Variants in DAB1 observed in about 807,000 individuals in gnomAD.
DAB1 encodes DAB adaptor protein 1.
Under a neutral mutation model 64.6 loss-of-function variants are expected in DAB1, and 15 were observed. The ratio of observed to expected loss-of-function variants is 0.23; its 90% CI spans 0.16 to 0.36. The LOEUF (loss-of-function observed/expected upper bound fraction) is 0.36, where lower values mean the gene tolerates loss of function less well. DAB1 is among the 10% of genes least tolerant of loss of function. The probability of loss-of-function intolerance (pLI) is 1.00; values close to 1 mark genes in which losing one functional copy is unlikely to be tolerated. For synonymous variants in DAB1, 235 were observed against 251.9 expected (o/e 0.93, Z 0.64); for missense variants, 596 against 706.7 (o/e 0.84, Z 1.78).
chr1:57,598,668 CA>C (rs1343774314), intron 7 of DAB1, among the ~76,000 whole-genome samples: 1 of 152,094 alleles, frequency 6.6e-6, no homozygotes, highest in Non-Finnish European at 1.5e-5. Flanking sequence ...TGGGCAGTGA[CA>C]GGGGCAGCTC....
chr1:57,072,860 A>G (rs1375261723), intron 4 of DAB1, among the ~76,000 whole-genome samples: 2 of 152,210 alleles, frequency 1.3e-5, no homozygotes, highest in African/African-American at 2.4e-5. Context: ...AGAACTATAC[A>G]TGTGCATGGT....
At chr1:57,430,115 G>A (rs1685443547) in intron 7 of DAB1, among the ~76,000 whole-genome samples, 1 of 152,156 alleles carries the variant, frequency 6.6e-6, no homozygotes, top group Non-Finnish European at 1.5e-5. Flanking sequence ...TCTACTCCAT[G>A]AGCATGGGAT....
At chr1:57,295,800 C>A (rs114561339) in intron 1 of DAB1, among the ~76,000 whole-genome samples, 3,471 of 152,134 alleles carry the variant, frequency 0.023, 62 homozygotes, top group South Asian at 0.045. Flanking sequence ...ATAATTTCCA[C>A]ATTTGGAAGC....
At chr1:58,509,276 ACACT>A (rs1646036167) in intron 2 of DAB1, among the ~76,000 whole-genome samples, 1 of 152,148 alleles carries the variant, frequency 6.6e-6, no homozygotes, top group African/African-American at 2.4e-5. Context: ...CATCATAAAG[ACACT>A]CAAAGAGGTC....
At chr1:57,276,283 G>A (rs183672325) in intron 2 of DAB1, among the ~76,000 whole-genome samples, 33 of 152,302 alleles carry the variant, frequency 2.2e-4, no homozygotes, top group Admixed American at 2.2e-3. Context: ...CATTAAAATC[G>A]ACCAGGATTG....
chr1:58,198,754 G>A (rs1241979642), intron 4 of DAB1, among the ~76,000 whole-genome samples: 1 of 152,192 alleles, frequency 6.6e-6, no homozygotes, highest in Non-Finnish European at 1.5e-5. Flanking sequence ...CAGAACTTTT[G>A]TTTGTACTGT....
At chr1:57,389,507 C>T (rs75316096) in intron 1 of DAB1, among the ~76,000 whole-genome samples, 3,058 of 152,208 alleles carry the variant, frequency 0.02, 105 homozygotes, top group African/African-American at 0.069. Flanking sequence ...GTTCCTGTGG[C>T]CCTGCCTCAA....
intron 6 of DAB1, among the ~76,000 whole-genome samples, chr1:57,711,655 GC>G (rs1647031419): frequency 6.6e-6 from 1 of 152,298 alleles, no homozygotes; most frequent in East Asian, 1.9e-4. Flanking sequence ...ATTGGGATAA[GC>G]AGGAAAGAGT....
At chr1:57,172,971 TC>T (rs1296439213) in intron 2 of DAB1, among the ~76,000 whole-genome samples, 9 of 152,174 alleles carry the variant, frequency 5.9e-5, no homozygotes, top group African/African-American at 2.4e-5. Flanking sequence ...ACCTGAACTA[TC>T]AAGGCCATAG....
intron 1 of DAB1, among the ~76,000 whole-genome samples, chr1:57,353,796 G>T (rs571813162): frequency 6.6e-6 from 1 of 152,278 alleles, no homozygotes; most frequent in Admixed American, 6.5e-5. Context: ...GCCTGGGATG[G>T]ATGAGTGTCC....
intron 4 of DAB1, among the ~76,000 whole-genome samples, chr1:58,159,726 G>T (rs1655421343): frequency 2.0e-5 from 3 of 152,170 alleles, no homozygotes; most frequent in Admixed American, 2.0e-4. Flanking sequence ...TGTAAAGGTT[G>T]ATTATTAGAA....
In DAB1 at chr1:58,408,748, C is replaced by T. The variant is rs1322780984; in HGVS notation, n.258-65345G>A. On this transcript the variant is annotated intron_variant and non_coding_transcript_variant, in intron 3 of 20. Coordinates refer to the DAB1 transcript ENST00000485760. Reference sequence around the variant, plus strand: ...AGAAGGAGGAAAAGGTTTTCTGAGACGTGTTCTTGTTGACATTACAAAACA... The same window carrying T: ...AGAAGGAGGAAAAGGTTTTCTGAGATGTGTTCTTGTTGACATTACAAAACA... 4.6e-5 allele frequency among the ~76,000 whole-genome samples: 7 copies of T among 152,206 alleles called. No homozygotes were observed. In the East Asian group the frequency reaches 7.7e-4, roughly 17 times the overall value.
chr1:58,226,587 T>C (rs1179507480), intron 4 of DAB1, among the ~76,000 whole-genome samples: 4 of 152,142 alleles, frequency 2.6e-5, no homozygotes, highest in Middle Eastern at 3.2e-3. Context: ...TGGAATGAAA[T>C]GGTACTGTTA....
chr1:58,194,893 A>G (rs1177022161), intron 4 of DAB1, among the ~76,000 whole-genome samples: 2 of 152,240 alleles, frequency 1.3e-5, no homozygotes, highest in Non-Finnish European at 2.9e-5. Flanking sequence ...AGCCTGGAAT[A>G]CTGTTCAACC....
At chr1:58,372,777 C>A (rs1335852484) in intron 3 of DAB1, among the ~76,000 whole-genome samples, 2 of 152,128 alleles carry the variant, frequency 1.3e-5, no homozygotes, top group Non-Finnish European at 1.5e-5. Context: ...AAGTGTTTGG[C>A]AGTTTCCCTT....
rs530842957 is a variant in DAB1, at chr1:57,623,781, G to A, written n.625+25811C>T. On this transcript the variant is annotated intron_variant and non_coding_transcript_variant, in intron 7 of 20. Coordinates refer to the DAB1 transcript ENST00000485760. Reference sequence around the variant, plus strand: ...AAGCCCCCTGCATTCTCCAGTTCCAGCTTGGTCCTGAGATGATTGTCTTCT... The same window carrying A: ...AAGCCCCCTGCATTCTCCAGTTCCAACTTGGTCCTGAGATGATTGTCTTCT... 8.5e-5 allele frequency among the ~76,000 whole-genome samples: 13 copies of A among 152,272 alleles called. 1 individual carries two copies. Among genetic ancestry groups the A allele is most frequent in the African/African-American group, 3.1e-4 (13 of 41,566 alleles).
At chr1:57,583,044 AAG>A (rs1210063785) in intron 7 of DAB1, among the ~76,000 whole-genome samples, 1 of 152,166 alleles carries the variant, frequency 6.6e-6, no homozygotes, top group Non-Finnish European at 1.5e-5. Flanking sequence ...AGGAAAAACA[AAG>A]AGAATTGGAG....
chr1:58,353,597 A>G (rs1339645963), intron 3 of DAB1, among the ~76,000 whole-genome samples: 2 of 152,192 alleles, frequency 1.3e-5, no homozygotes, highest in Admixed American at 1.3e-4. Context: ...TCTTTGTAGA[A>G]AATACCACAA....
At chr1:58,399,107 C>T (rs1433866302) in intron 3 of DAB1, among the ~76,000 whole-genome samples, 2 of 152,238 alleles carry the variant, frequency 1.3e-5, no homozygotes, top group Non-Finnish European at 2.9e-5. Context: ...GCAATGTCAG[C>T]ATGTCACAGT....
Sources: allele counts gnomAD v4.1 joint callset (sites outside exome capture counted in the v4.1 genomes callset), GRCh38; gene constraint gnomAD v4.1.1; transcripts MANE v1.5; gene names NCBI Gene and HGNC (gene_info 2026-07-23, HGNC 2026-07-21).